TENM3: variants seen among roughly 807,000 people sequenced by gnomAD.
The protein encoded by TENM3 is teneurin-3.
A neutral mutation model predicts 255.1 loss-of-function variants in TENM3; 63 were observed. The ratio of observed to expected loss-of-function variants is 0.25; its 90% CI spans 0.20 to 0.30. The LOEUF (loss-of-function observed/expected upper bound fraction) is 0.30, where lower values mean the gene tolerates loss of function less well. Among genes scored for constraint, TENM3 ranks in the 10% least tolerant of loss-of-function variants. The probability of loss-of-function intolerance (pLI) is 1.00; values close to 1 mark genes in which losing one functional copy is unlikely to be tolerated. For missense variants in TENM3, 2,929 were observed against 3,461.1 expected, an observed-to-expected ratio of 0.85 and a Z score of 3.86; for synonymous variants, 1,306 against 1,322.3, an observed-to-expected ratio of 0.99 and a Z score of 0.27.
At chr4:181,876,099 CT>C in the TENM3 span, among the ~76,000 whole-genome samples, 4 of 152,150 alleles carry the variant, frequency 2.6e-5, no homozygotes, top group African/African-American at 7.2e-5. Context: ...GACAAATACT[CT>C]TGTTCATTAT....
the TENM3 span, among the ~76,000 whole-genome samples, chr4:181,611,174 G>A: frequency 6.6e-6 from 1 of 152,190 alleles, no homozygotes; most frequent in Non-Finnish European, 1.5e-5. Context: ...TGCAGTACTT[G>A]TAGGCGAACG....
At chr4:182,680,169 T>C (rs1194180433) in intron 8 of TENM3, 79 bp from the exon 9 acceptor site, 1 of 1,024,078 alleles carries the variant, frequency 9.8e-7, no homozygotes, top group African/African-American at 1.6e-5. Context: ...CTAGCATAAA[T>C]GAAGATCAAA....
At chr4:181,842,291 C>T in the TENM3 span, among the ~76,000 whole-genome samples, 3 of 152,108 alleles carry the variant, frequency 2.0e-5, no homozygotes, top group Non-Finnish European at 4.4e-5. Flanking sequence ...GCTACTGTTA[C>T]TCTTTTACCA....
intron 12 of TENM3, among the ~76,000 whole-genome samples, chr4:182,698,629 G>A (rs959020284): frequency 2.6e-5 from 4 of 152,294 alleles, no homozygotes; most frequent in South Asian, 2.1e-4. Context: ...CCAAGGCCTC[G>A]GTTTCTGTCC....
At chr4:181,952,373 T>C in the TENM3 span, among the ~76,000 whole-genome samples, 1 of 152,202 alleles carries the variant, frequency 6.6e-6, no homozygotes, top group Non-Finnish European at 1.5e-5. Flanking sequence ...AGTGAATAAA[T>C]AGACTGAGGA....
chr4:181,526,605 G>T, the TENM3 span, among the ~76,000 whole-genome samples: 1 of 152,088 alleles, frequency 6.6e-6, no homozygotes, highest in South Asian at 2.1e-4. Context: ...TGCACTCTTC[G>T]AGGGCACTTA....
chr4:182,773,703 G>T, intron 23 of TENM3, 56 bp downstream of exon 23: 1 of 1,498,008 alleles, frequency 6.7e-7, no homozygotes. Flanking sequence ...ACAGAATGCG[G>T]CAACACCCAC....
chr4:182,254,604 A>G (rs969400503), intron 1 of TENM3, among the ~76,000 whole-genome samples: 2 of 152,188 alleles, frequency 1.3e-5, no homozygotes, highest in Non-Finnish European at 2.9e-5. Context: ...GGTAAATGTT[A>G]CACTGAAAGT....
the TENM3 span, among the ~76,000 whole-genome samples, chr4:181,544,827 G>A: frequency 2.6e-5 from 4 of 152,170 alleles, no homozygotes; most frequent in South Asian, 6.2e-4. Flanking sequence ...ATTAAAATAA[G>A]GAAGCCAGAC....
At chr4:182,254,931 G>A (rs1407113002) in intron 1 of TENM3, among the ~76,000 whole-genome samples, 8 of 152,250 alleles carry the variant, frequency 5.3e-5, no homozygotes, top group African/African-American at 1.9e-4. Flanking sequence ...AGCACTCTGG[G>A]TTTTGGTGTT....
intron 1 of TENM3, among the ~76,000 whole-genome samples, chr4:182,251,276 C>T (rs1304956303): frequency 2.6e-5 from 4 of 152,182 alleles, no homozygotes; most frequent in Non-Finnish European, 5.9e-5. Context: ...TCCAGACCAG[C>T]CTGGGCAACA....
intron 3 of TENM3, among the ~76,000 whole-genome samples, chr4:182,589,934 C>T (rs1299319265): frequency 6.6e-6 from 1 of 152,060 alleles, no homozygotes; most frequent in African/African-American, 2.4e-5. Flanking sequence ...GCCGAGATCG[C>T]ACCGCTGCAC....
At chr4:182,102,425 A>T in the TENM3 span, among the ~76,000 whole-genome samples, 1 of 152,190 alleles carries the variant, frequency 6.6e-6, no homozygotes, top group Non-Finnish European at 1.5e-5. Flanking sequence ...TAAGTGATCA[A>T]TTACTGGCAA....
chr4:182,102,189 G>T, the TENM3 span, among the ~76,000 whole-genome samples: 1 of 152,186 alleles, frequency 6.6e-6, no homozygotes, highest in Non-Finnish European at 1.5e-5. Context: ...GGTGGGTTGT[G>T]AAGGAGACAC....
intron 3 of TENM3, among the ~76,000 whole-genome samples, chr4:182,596,597 A>G (rs1581052872): frequency 6.6e-6 from 1 of 152,296 alleles, no homozygotes; most frequent in Non-Finnish European, 1.5e-5. Context: ...GAGAGAAGCA[A>G]CTCTGCCTAA....
the TENM3 span, among the ~76,000 whole-genome samples, chr4:182,036,491 G>A: frequency 4.6e-5 from 7 of 152,190 alleles, no homozygotes; most frequent in South Asian, 4.2e-4. Context: ...GCACCCGGCC[G>A]ATAATCTAAT....
At chr4:182,407,659 C>T (rs1347292347) in intron 3 of TENM3, among the ~76,000 whole-genome samples, 1 of 151,844 alleles carries the variant, frequency 6.6e-6, no homozygotes, top group Non-Finnish European at 1.5e-5. Flanking sequence ...GACTTGGGGC[C>T]CGAACATATT....
chr4:181,811,137 A>C, the TENM3 span, among the ~76,000 whole-genome samples: 1 of 152,202 alleles, frequency 6.6e-6, no homozygotes, highest in African/African-American at 2.4e-5. Flanking sequence ...CCTTCCTATA[A>C]GCATATGAAT....
chr4:182,127,956 TAATA>T, the TENM3 span, among the ~76,000 whole-genome samples: 1 of 152,126 alleles, frequency 6.6e-6, no homozygotes, highest in Non-Finnish European at 1.5e-5. Context: ...AGGATGTGTA[TAATA>T]AATAAATCAA....
Sources: allele counts gnomAD v4.1 joint callset (sites outside exome capture counted in the v4.1 genomes callset), GRCh38; gene constraint gnomAD v4.1.1; transcripts MANE v1.5; gene names NCBI Gene and HGNC (gene_info 2026-07-23, HGNC 2026-07-21).